Variants in ALK observed in about 807,000 individuals in gnomAD.
The protein encoded by ALK is ALK receptor tyrosine kinase.
A neutral mutation model predicts 163.1 loss-of-function variants in ALK; 74 were observed. The ratio of observed to expected loss-of-function variants is 0.45; its 90% CI spans 0.38 to 0.55. The LOEUF (loss-of-function observed/expected upper bound fraction) is 0.55. ALK is among the 20% of genes least tolerant of loss of function. ALK has a pLI of 0.00. For missense variants in ALK, 2,063 were observed against 2,105.3 expected (o/e 0.98, Z 0.39); for synonymous variants, 960 against 843.2 (o/e 1.14, Z -2.40).
intron 3 of ALK, among the ~76,000 whole-genome samples, chr2:29,673,536 T>C: frequency 1.1e-5 from 1 of 88,510 alleles, no homozygotes; most frequent in African/African-American, 5.5e-5. Context: ...CATTGATCTA[T>C]ATTTCTGTTT....
chr2:29,876,685 ATATGG>A (rs1666727713), intron 1 of ALK, among the ~76,000 whole-genome samples: 1 of 128,018 alleles, frequency 7.8e-6, no homozygotes, highest in Non-Finnish European at 1.6e-5. Flanking sequence ...AACGATGGTG[ATATGG>A]TGATGGTAGT....
intron 3 of ALK, among the ~76,000 whole-genome samples, chr2:29,585,281 C>T (rs1674847816): frequency 6.6e-6 from 1 of 152,020 alleles, no homozygotes; most frequent in Admixed American, 6.5e-5. Flanking sequence ...ATTCAAACAC[C>T]AGAGAAAGTT....
intron 1 of ALK, among the ~76,000 whole-genome samples, chr2:29,806,209 A>G (rs573000678): frequency 6.6e-6 from 1 of 152,248 alleles, no homozygotes; most frequent in East Asian, 1.9e-4. Context: ...GGTCAGAGAG[A>G]GTTGAATGCA....
chr2:29,695,109 C>T, intron 2 of ALK, 95 bp from the exon 3 acceptor site: 1 of 1,406,014 alleles, frequency 7.1e-7, no homozygotes, highest in East Asian at 2.3e-5. Flanking sequence ...GCCTTCATCT[C>T]CCCACATCCT....
chr2:29,663,093 A>T (rs2148263571), intron 3 of ALK, among the ~76,000 whole-genome samples: 1 of 152,272 alleles, frequency 6.6e-6, no homozygotes, highest in East Asian at 1.9e-4. Context: ...GTCTTCCCAT[A>T]AGCCTATATT....
intron 3 of ALK, among the ~76,000 whole-genome samples, chr2:29,541,706 C>T (rs1673417835): frequency 1.3e-5 from 2 of 152,150 alleles, no homozygotes; most frequent in Non-Finnish European, 2.9e-5. Context: ...AGTCAGAAAA[C>T]AAAAGTATTC....
At chr2:29,891,859 C>T (rs983886413) in intron 1 of ALK, among the ~76,000 whole-genome samples, 8 of 152,180 alleles carry the variant, frequency 5.3e-5, no homozygotes, top group African/African-American at 1.7e-4. Context: ...TCCTGACATC[C>T]AGCTTCTCTC....
intron 1 of ALK, among the ~76,000 whole-genome samples, chr2:29,879,890 A>C (rs1195542365): frequency 1.3e-5 from 2 of 152,254 alleles, no homozygotes; most frequent in African/African-American, 2.4e-5. Flanking sequence ...TCTGTCAAAG[A>C]AAAGAAAGGC....
chr2:29,710,447 T>A (rs1679043717), intron 2 of ALK, among the ~76,000 whole-genome samples: 1 of 151,814 alleles, frequency 6.6e-6, no homozygotes, highest in Admixed American at 6.6e-5. Context: ...ACATCCTGGA[T>A]CTCCTCTGGG....
chr2:29,276,955 C>T (rs571663185), intron 9 of ALK, among the ~76,000 whole-genome samples: 2 of 152,180 alleles, frequency 1.3e-5, no homozygotes, highest in East Asian at 1.9e-4. Context: ...CTGACTTGTA[C>T]ACTTAAAGTG....
chr2:29,657,174 C>T (rs977028074), intron 3 of ALK, among the ~76,000 whole-genome samples: 1 of 151,998 alleles, frequency 6.6e-6, no homozygotes, highest in African/African-American at 2.4e-5. Context: ...AAAGGAGTAA[C>T]AAGGCTAAGG....
At chr2:29,805,009 T>G (rs1338101063) in intron 1 of ALK, among the ~76,000 whole-genome samples, 1 of 152,208 alleles carries the variant, frequency 6.6e-6, no homozygotes, top group South Asian at 2.1e-4. Flanking sequence ...TGGTTTCTGT[T>G]TGGAAGCCTC....
At chr2:29,731,444 G>C (rs1197228264) in intron 1 of ALK, among the ~76,000 whole-genome samples, 3 of 152,180 alleles carry the variant, frequency 2.0e-5, no homozygotes. Flanking sequence ...GACTCCAGGA[G>C]CGGCTTTCAA....
intron 4 of ALK, among the ~76,000 whole-genome samples, chr2:29,480,384 T>C (rs1386165195): frequency 6.6e-6 from 1 of 152,236 alleles, no homozygotes; most frequent in Non-Finnish European, 1.5e-5. Flanking sequence ...TATTATTTTC[T>C]ATGTCTCTAA....
intron 1 of ALK, among the ~76,000 whole-genome samples, chr2:29,833,090 G>C (rs1665463328): frequency 6.6e-6 from 1 of 152,190 alleles, no homozygotes; most frequent in Non-Finnish European, 1.5e-5. Flanking sequence ...AGAATACAGA[G>C]AGGGCTGTCA....
At position 29,220,649 on chromosome 2, in the gene ALK, C is replaced by G. The variant is rs530104978; in HGVS notation, c.3645+57G>C. On this transcript the variant is annotated intron_variant, in intron 23 of 28. Coordinates refer to ENST00000389048, the MANE Select transcript of ALK (RefSeq NM_004304.5). ...CCCAGGCTGCCCACTCTTGCTCCTT[C>G]CATCCTTGCTCCTGTCCTTGGCACA... is the stretch of plus-strand genomic sequence containing the variant. 1.7e-5 allele frequency: 28 copies of G among 1,610,984 alleles called. No individual in the cohort carries two copies. In the East Asian group the frequency reaches 5.8e-4, roughly 33 times the overall value.
chr2:29,460,542 A>G (rs62131810), intron 4 of ALK, among the ~76,000 whole-genome samples: 40,886 of 152,026 alleles, frequency 0.27, 6,209 homozygotes, highest in Non-Finnish European at 0.35. Flanking sequence ...TTCTTACAAT[A>G]TTTCAAATTT....
intron 3 of ALK, among the ~76,000 whole-genome samples, chr2:29,552,596 A>C (rs1252250937): frequency 6.6e-6 from 1 of 152,162 alleles, no homozygotes; most frequent in Non-Finnish European, 1.5e-5. Flanking sequence ...GCATTTCCCT[A>C]ATGACTAATG....
chr2:29,770,571 C>G (rs1680992101), intron 1 of ALK, among the ~76,000 whole-genome samples: 1 of 152,162 alleles, frequency 6.6e-6, no homozygotes. Context: ...GTAAGAAAAA[C>G]ATTTTATATT....
Sources: gnomAD v4.1 joint callset for allele counts (sites outside exome capture counted in the v4.1 genomes callset) on GRCh38, gnomAD v4.1.1 for gene constraint, MANE v1.5 for transcripts, NCBI Gene and HGNC (gene_info 2026-07-23, HGNC 2026-07-21) for gene names.